Variants in SV2C observed in about 807,000 individuals in gnomAD.
SV2C encodes the protein synaptic vesicle glycoprotein 2C.
SV2C carries 49 observed loss-of-function variants against 79.7 expected under a neutral mutation model. That is an observed-to-expected ratio of 0.61 (90% CI 0.49 to 0.78). SV2C has a LOEUF of 0.78. Ranked by LOEUF, SV2C falls within the 30% of genes least tolerant of loss-of-function variation. The pLI is 0.00. For missense variants in SV2C, 833 were observed against 912.9 expected, an observed-to-expected ratio of 0.91 and a Z score of 1.13; for synonymous variants, 334 against 333.2, an observed-to-expected ratio of 1.00 and a Z score of -0.03.
chr5:76,273,938 G>A (rs955815302), intron 4 of SV2C, among the ~76,000 whole-genome samples: 4 of 152,212 alleles, frequency 2.6e-5, no homozygotes, highest in Non-Finnish European at 5.9e-5. Flanking sequence ...TCCAAGATTA[G>A]AATATGACTG....
At chr5:75,976,462 G>T in the SV2C span, among the ~76,000 whole-genome samples, 1 of 151,814 alleles carries the variant, frequency 6.6e-6, no homozygotes, top group African/African-American at 2.4e-5. Context: ...CTGTAATCAG[G>T]TTGGAATGAG....
At chr5:76,223,025 T>C (rs12515019) in intron 4 of SV2C, among the ~76,000 whole-genome samples, 53,185 of 151,784 alleles carry the variant, frequency 0.35, 10,289 homozygotes, top group African/African-American at 0.53. Context: ...GTGTCTGGGG[T>C]ATTTCAACTG....
chr5:76,318,249 C>T (rs776193294), intron 12 of SV2C, among the ~76,000 whole-genome samples: 2 of 152,098 alleles, frequency 1.3e-5, no homozygotes, highest in African/African-American at 4.8e-5. Flanking sequence ...GAAACCCCGT[C>T]TCTACTAAAA....
chr5:76,351,169 AG>A (rs1338419162), intron 12 of SV2C, among the ~76,000 whole-genome samples: 3 of 152,186 alleles, frequency 2.0e-5, no homozygotes, highest in Admixed American at 2.0e-4. Context: ...ATCTTAGGCC[AG>A]GTGAGATAGC....
At chr5:76,230,761 C>G in intron 4 of SV2C, among the ~76,000 whole-genome samples, 1 of 151,256 alleles carries the variant, frequency 6.6e-6, no homozygotes, top group East Asian at 1.9e-4. Flanking sequence ...TGCACTGCAG[C>G]CTGGGTGACA....
Position 76,132,326 on chromosome 5 carries a change from G to T in SV2C, c.576G>T (p.Trp192Cys). The T allele has an allele frequency of 6.2e-7, 1 of 1,609,070 alleles. No homozygotes were observed. The highest frequency in any genetic ancestry group is 8.5e-7 in the Non-Finnish European group (1 of 1,176,694). The change falls in exon 2 of 13, where the codon TGG becomes TGT. Residue 192 changes from tryptophan (W) to cysteine (C), a missense_variant. Transcript: ENST00000502798. ...GCATCCCAAATTCAGGATCTGGATGGCTAGGTGAGTGTGTGGTGTCAGTGA... is the reference window on the plus strand; with the variant it reads ...GCATCCCAAATTCAGGATCTGGATGTCTAGGTGAGTGTGTGGTGTCAGTGA... ...DLCIPNSGSG[W>C]LGSIVYLGMM...
At chr5:76,231,015 T>C (rs1033943046) in intron 4 of SV2C, among the ~76,000 whole-genome samples, 13 of 152,302 alleles carry the variant, frequency 8.5e-5, no homozygotes, top group African/African-American at 2.6e-4. Context: ...AGCCAAAGAA[T>C]GGATTAGGAA....
chr5:76,022,991 G>A, the SV2C span, among the ~76,000 whole-genome samples: 39 of 152,216 alleles, frequency 2.6e-4, no homozygotes, highest in Admixed American at 1.0e-3. Flanking sequence ...AGAATACTTC[G>A]TTGTGGCAGC....
chr5:76,306,143 G>A (rs780959546), intron 12 of SV2C, among the ~76,000 whole-genome samples: 2 of 152,146 alleles, frequency 1.3e-5, no homozygotes, highest in African/African-American at 4.8e-5. Context: ...AAACTCCTGC[G>A]CTCAAGTGAT....
the SV2C span, among the ~76,000 whole-genome samples, chr5:75,914,325 CT>C: frequency 6.6e-6 from 1 of 152,162 alleles, no homozygotes; most frequent in South Asian, 2.1e-4. Flanking sequence ...ATAATTACTA[CT>C]TTTTCATACC....
At position 76,332,610 on chromosome 5, in the gene SV2C, AC is replaced by A. The variant is rs1313583301; in HGVS notation, c.*7064del. 2 of 152,192 alleles carry A rather than the reference AC, an allele frequency of 1.3e-5. No homozygotes were observed. Among genetic ancestry groups the A allele is most frequent in the Non-Finnish European group, 2.9e-5 (2 of 68,036 alleles). 9.4% of individuals were successfully genotyped at this position (152,192 alleles called of 1,614,324 possible). A position where few individuals can be genotyped will look rare whatever the true frequency, so the allele number is the denominator to read the frequency against. On this transcript the variant is annotated 3_prime_UTR_variant, in exon 13 of 13. Transcript: ENST00000502798. Reference sequence around the variant, plus strand: ...CCTATTATGTCTGTATGGTAGAAATACTGTATACAGGTATACTACTACACAC... The same window carrying A: ...CCTATTATGTCTGTATGGTAGAAATATGTATACAGGTATACTACTACACAC...
the SV2C span, among the ~76,000 whole-genome samples, chr5:75,966,317 G>T: frequency 6.6e-6 from 1 of 152,126 alleles, no homozygotes; most frequent in African/African-American, 2.4e-5. Flanking sequence ...CCAAAGCTTT[G>T]TGCAGGAAAT....
chr5:76,093,845 C>T (rs982998194), intron 1 of SV2C, among the ~76,000 whole-genome samples: 1 of 152,152 alleles, frequency 6.6e-6, no homozygotes, highest in Non-Finnish European at 1.5e-5. Flanking sequence ...AATGTCTTTC[C>T]CTTTGACATC....
At chr5:76,127,821 G>A (rs1193865013) in intron 1 of SV2C, among the ~76,000 whole-genome samples, 1 of 152,140 alleles carries the variant, frequency 6.6e-6, no homozygotes, top group African/African-American at 2.4e-5. Flanking sequence ...TTGCCCGAGT[G>A]GGGAAAAATT....
the SV2C span, chr5:75,911,600 T>C: frequency 1.5e-6 from 1 of 688,110 alleles, no homozygotes; most frequent in Non-Finnish European, 2.7e-6. Context: ...AAGAAGCCAG[T>C]AAGAACTCCT....
chr5:76,289,584 A>G (rs1312881681), intron 6 of SV2C, among the ~76,000 whole-genome samples: 5 of 152,170 alleles, frequency 3.3e-5, no homozygotes, highest in Non-Finnish European at 7.3e-5. Context: ...CTAAGAAACC[A>G]TTATGTTCTA....
intron 1 of SV2C, among the ~76,000 whole-genome samples, chr5:76,094,772 A>G (rs569496914): frequency 1.1e-4 from 17 of 152,036 alleles, no homozygotes; most frequent in Non-Finnish European, 2.4e-4. Flanking sequence ...ATATTTTGCC[A>G]TTTTTCAATT....
At chr5:76,001,352 G>T in the SV2C span, among the ~76,000 whole-genome samples, 22 of 152,098 alleles carry the variant, frequency 1.4e-4, no homozygotes, top group Admixed American at 7.8e-4. Context: ...TGTAATCCCA[G>T]CACTTTGGGA....
the SV2C span, among the ~76,000 whole-genome samples, chr5:76,014,696 A>C: frequency 6.6e-6 from 1 of 152,052 alleles, no homozygotes; most frequent in South Asian, 2.1e-4. Flanking sequence ...ACCCCCTAAC[A>C]TACACTCACA....
Sources: allele counts gnomAD v4.1 joint callset (sites outside exome capture counted in the v4.1 genomes callset), GRCh38; gene constraint gnomAD v4.1.1; transcripts MANE v1.5; gene names NCBI Gene and HGNC (gene_info 2026-07-23, HGNC 2026-07-21).